The following NUB1 variants were observed in gnomAD, a reference collection of about 807,000 sequenced individuals.
NUB1 encodes the protein negative regulator of ubiquitin like proteins 1, also known as NEDD8 ultimate buster 1.
In NUB1, 41 loss-of-function variants were observed where a neutral mutation model predicts 77.1. The observed-to-expected ratio is 0.53, with a 90% CI of 0.41 to 0.69. The LOEUF (loss-of-function observed/expected upper bound fraction) is 0.69. Among genes scored for constraint, NUB1 ranks in the 30% least tolerant of loss-of-function variants. The probability of loss-of-function intolerance (pLI) is 0.00; values close to 1 mark genes in which losing one functional copy is unlikely to be tolerated. For synonymous variants in NUB1, 257 were observed against 281.0 expected, an observed-to-expected ratio of 0.91 and a Z score of 0.85; for missense variants, 643 against 743.8, an observed-to-expected ratio of 0.86 and a Z score of 1.58.
rs113123759 is a variant in NUB1, at chr7:151,354,154, C to T, written c.415+1272C>T. On this transcript the variant is annotated intron_variant, in intron 5 of 14. Coordinates refer to ENST00000568733, the MANE Select transcript of NUB1 (RefSeq NM_001243351.2). ...AAAGTTTAAGGGTTCCTTTATTTTTCTTCCTATATAATTCATTAAATAGTC... is the reference window on the plus strand; with the variant it reads ...AAAGTTTAAGGGTTCCTTTATTTTTTTTCCTATATAATTCATTAAATAGTC... Among the ~76,000 whole-genome samples, 458 of 152,144 alleles carry T rather than the reference C, an allele frequency of 3.0e-3. 1 individual carries two copies. Among genetic ancestry groups the T allele is most frequent in the African/African-American group, 0.01 (435 of 41,512 alleles).
At chr7:151,376,998 C>A in intron 14 of NUB1, 49 bp from the exon 15 acceptor site, 1 of 1,476,050 alleles carries the variant, frequency 6.8e-7, no homozygotes, top group Non-Finnish European at 9.1e-7. Context: ...GCAGTGTCCC[C>A]AGGACAATCC....
intron 8 of NUB1, among the ~76,000 whole-genome samples, chr7:151,363,256 GA>G (rs1323406946): frequency 6.6e-6 from 1 of 152,088 alleles, no homozygotes; most frequent in Non-Finnish European, 1.5e-5. Context: ...GAAGGCAGAG[GA>G]ACAACTGAAC....
At chr7:151,366,904 G>C (rs770128174) in intron 8 of NUB1, 35 bp from the exon 9 acceptor site, 1 of 1,527,090 alleles carries the variant, frequency 6.5e-7, no homozygotes, top group Non-Finnish European at 8.8e-7. Context: ...TTCAAATGCT[G>C]CTTGGCAGTG....
chr7:151,370,830 G>T (rs1797926708), intron 11 of NUB1, among the ~76,000 whole-genome samples: 1 of 152,048 alleles, frequency 6.6e-6, no homozygotes, highest in South Asian at 2.1e-4. Context: ...TACTGAGAAT[G>T]AAGTAAGATT....
chr7:151,375,920 C>A lies in NUB1; in HGVS notation c.1468C>A (p.Pro490Thr). The stretch of plus-strand genomic sequence containing the variant: ...TGAAACCGACAACCGTCAAGAAAGT[C>A]CTTCCCAGGAAAACATTGACCGAGT... ...NPETDNRQESPSQENIDRLVY... is the reference protein window; with the variant it reads ...NPETDNRQESTSQENIDRLVY... The change falls in exon 13 of 15, where the codon CCT (proline) becomes ACT (threonine). Residue 490 changes from proline (P) to threonine (T), a missense_variant. Physicochemically the swap from Pro to Thr is conservative, Grantham distance 38. Coordinates refer to ENST00000568733, the MANE Select transcript of NUB1 (RefSeq NM_001243351.2). 6.2e-7 allele frequency: 1 copy of A among 1,612,178 alleles called. No individual in the cohort carries two copies. The highest frequency in any genetic ancestry group is 1.1e-5 in the South Asian group (1 of 91,032).
At chr7:151,344,232 T>C (rs377248707) in intron 1 of NUB1, among the ~76,000 whole-genome samples, 2 of 143,776 alleles carry the variant, frequency 1.4e-5, no homozygotes, top group East Asian at 4.1e-4. Flanking sequence ...GCTGTTAGGC[T>C]GTTAATCAGA....
At chr7:151,376,147 G>C in intron 13 of NUB1, 1 of 546,376 alleles carries the variant, frequency 1.8e-6, no homozygotes, top group Non-Finnish European at 3.3e-6. Context: ...AGGAAAACTG[G>C]GGAAGTGTCA....
chr7:151,345,431 A>G lies in NUB1; in HGVS notation c.82A>G (p.Thr28Ala). The G allele has an allele frequency of 6.2e-7, 1 of 1,606,024 alleles. No homozygotes were observed. Among genetic ancestry groups the G allele is most frequent in the East Asian group, 2.2e-5 (1 of 44,662 alleles). ...GATTCAACTTTGGAAACCTCCATATACAGATGAAAATAAAAAAGTTGGTTT... is the reference window on the plus strand; with the variant it reads ...GATTCAACTTTGGAAACCTCCATATGCAGATGAAAATAAAAAAGTTGGTTT... ...DRIQLWKPPY[T>A]DENKKVGLAL... The change falls in exon 2 of 15, where the codon ACA becomes GCA. Residue 28 changes from threonine (T) to alanine (A), a missense_variant. Thr to Ala is a moderately conservative substitution (Grantham distance 58). Transcript: ENST00000568733.
chr7:151,376,581 GT>G, intron 13 of NUB1, 52 bp from the exon 14 acceptor site: 1 of 1,511,714 alleles, frequency 6.6e-7, no homozygotes, highest in South Asian at 1.2e-5. Flanking sequence ...GCTGACGGGG[GT>G]GGCAGAAGAG....
intron 7 of NUB1, among the ~76,000 whole-genome samples, chr7:151,359,698 A>G (rs538399361): frequency 2.0e-5 from 3 of 151,870 alleles, no homozygotes; most frequent in Non-Finnish European, 4.4e-5. Flanking sequence ...AATCGCTTGA[A>G]CCCAGGAGGC....
intron 7 of NUB1, among the ~76,000 whole-genome samples, chr7:151,356,432 T>C (rs1346588103): frequency 1.3e-5 from 2 of 152,216 alleles, no homozygotes; most frequent in East Asian, 1.9e-4. Context: ...CAAAATGTCA[T>C]GTCTCACTGT....
chr7:151,349,997 T>C (rs146680573), intron 3 of NUB1, among the ~76,000 whole-genome samples: 22 of 152,306 alleles, frequency 1.4e-4, no homozygotes, highest in African/African-American at 5.3e-4. Context: ...GTGAGTCATC[T>C]CCAATGATTG....
chr7:151,376,640 T>A lies in NUB1; in HGVS notation c.1498T>A (p.Tyr500Asn). The A allele has an allele frequency of 6.2e-7, 1 of 1,610,246 alleles. No homozygotes were observed. Among genetic ancestry groups the A allele is most frequent in the Non-Finnish European group, 8.5e-7 (1 of 1,178,420 alleles). Residue 500 changes from tyrosine to asparagine, a missense_variant, in exon 14 of 15, where the codon TAC (tyrosine) becomes AAC (asparagine). Coordinates refer to ENST00000568733, the MANE Select transcript of NUB1 (RefSeq NM_001243351.2). ...CCCCTGCGCTCTCCCCTAGTTGGTGTACATGGGTTTTGATGCACTCGTGGC... is the reference window on the plus strand; with the variant it reads ...CCCCTGCGCTCTCCCCTAGTTGGTGAACATGGGTTTTGATGCACTCGTGGC... ...PSQENIDRLV[Y>N]MGFDALVAEA...
chr7:151,376,455 G>C, intron 13 of NUB1, 179 bp from the exon 14 acceptor site: 1 of 615,008 alleles, frequency 1.6e-6, no homozygotes, highest in Non-Finnish European at 2.7e-6. Context: ...AGTCTTCCAA[G>C]CCCCCTTCCA....
intron 8 of NUB1, among the ~76,000 whole-genome samples, chr7:151,365,316 C>G (rs1447665277): frequency 1.1e-5 from 1 of 92,182 alleles, no homozygotes; most frequent in Non-Finnish European, 2.2e-5. Context: ...TTTCTTCTCT[C>G]TCTTTTTTTT....
chr7:151,346,851 G>A (rs1796525366), intron 2 of NUB1, among the ~76,000 whole-genome samples: 1 of 152,218 alleles, frequency 6.6e-6, no homozygotes, highest in Non-Finnish European at 1.5e-5. Context: ...GGGTGCTTGT[G>A]TGAACCCTCG....
intron 5 of NUB1, among the ~76,000 whole-genome samples, chr7:151,354,741 T>C (rs1796982606): frequency 6.6e-6 from 1 of 152,124 alleles, no homozygotes; most frequent in African/African-American, 2.4e-5. Context: ...CCCATGGTCT[T>C]TGCTTTTATT....
chr7:151,350,111 C>T (rs1202713811), intron 3 of NUB1, among the ~76,000 whole-genome samples: 4 of 152,228 alleles, frequency 2.6e-5, no homozygotes. Flanking sequence ...CTTCTATGCT[C>T]TTCTCAGAAA....
chr7:151,348,892 C>G (rs1020607858), intron 2 of NUB1, among the ~76,000 whole-genome samples, 181 bp from the exon 3 acceptor site: 1 of 152,086 alleles, frequency 6.6e-6, no homozygotes, highest in Non-Finnish European at 1.5e-5. Context: ...AGTGTTTTCA[C>G]TTTTTCCTGG....
Sources: gnomAD v4.1 joint callset for allele counts (sites outside exome capture counted in the v4.1 genomes callset) on GRCh38, gnomAD v4.1.1 for gene constraint, MANE v1.5 for transcripts, NCBI Gene and HGNC (gene_info 2026-07-23, HGNC 2026-07-21) for gene names.